MOGAT2: variants seen among roughly 807,000 people sequenced by gnomAD.
The protein encoded by MOGAT2 is monoacylglycerol O-acyltransferase 2, also known as 2-acylglycerol O-acyltransferase 2.
In MOGAT2, 27 loss-of-function variants were observed where a neutral mutation model predicts 31.5. That is an observed-to-expected ratio of 0.86 (90% confidence interval 0.63 to 1.18). The LOEUF is 1.18. Ranked by LOEUF, MOGAT2 falls within the 50% of genes most tolerant of loss-of-function variation. The probability of loss-of-function intolerance (pLI) is 0.00; values close to 1 mark genes in which losing one functional copy is unlikely to be tolerated. For synonymous variants in MOGAT2, 163 were observed against 170.0 expected (o/e 0.96, Z 0.32); for missense variants, 436 against 433.2 (o/e 1.01, Z -0.06).
At position 75,731,343 on chromosome 11, in the gene MOGAT2, A is replaced by C; in HGVS notation, c.*57A>C. On this transcript the variant is annotated 3_prime_UTR_variant, in exon 6 of 6. Coordinates refer to ENST00000198801, the MANE Select transcript of MOGAT2 (RefSeq NM_025098.4). Reference sequence around the variant, plus strand: ...CAGCAGGAGGTGCTGTGCTGAGAAGACTTCCTGGAGGTGTTTGTTGAACAT... The same window carrying C: ...CAGCAGGAGGTGCTGTGCTGAGAAGCCTTCCTGGAGGTGTTTGTTGAACAT... 1 of 1,582,696 alleles carries C rather than the reference A, an allele frequency of 6.3e-7. No individual in the cohort carries two copies. The highest frequency in any genetic ancestry group is 1.1e-5 in the South Asian group (1 of 87,934).
chr11:75,728,619 G>C, intron 4 of MOGAT2, 171 bp from the exon 5 acceptor site: 1 of 627,618 alleles, frequency 1.6e-6, no homozygotes, highest in Non-Finnish European at 2.8e-6. Context: ...CAAGGTCAGA[G>C]AATGGGGCTG....
At chr11:75,729,128 A>G in intron 5 of MOGAT2, 139 bp downstream of exon 5, 2 of 768,852 alleles carry the variant, frequency 2.6e-6, no homozygotes, top group Non-Finnish European at 4.3e-6. Flanking sequence ...ATACACACAC[A>G]AGCAGATAGA....
At chr11:75,718,112 C>T (rs622403) in intron 1 of MOGAT2, 133 bp downstream of exon 1, 93,539 of 934,078 alleles carry the variant, frequency 0.1, 5,261 homozygotes, top group Middle Eastern at 0.12. Context: ...GCTCAGAGCC[C>T]CTGCCCAGAG....
At chr11:75,727,016 C>T (rs555119751) in intron 2 of MOGAT2, among the ~76,000 whole-genome samples, 539 of 152,232 alleles carry the variant, frequency 3.5e-3, no homozygotes, top group African/African-American at 0.012. Context: ...TAAAATGGGG[C>T]TGTTTCAGCA....
At chr11:75,719,656 C>T in intron 1 of MOGAT2, 1 of 270,412 alleles carries the variant, frequency 3.7e-6, no homozygotes, top group Non-Finnish European at 7.1e-6. Context: ...ATTGATTGAG[C>T]ACTTAATGAG....
intron 4 of MOGAT2, chr11:75,728,436 C>G: frequency 1.8e-6 from 1 of 567,032 alleles, no homozygotes; most frequent in Non-Finnish European, 3.2e-6. Flanking sequence ...CATTTCAGAG[C>G]TGTTCTCCCT....
In MOGAT2 at chr11:75,728,626, G is replaced by T. The variant is rs188724425; in HGVS notation, c.651-164G>T. 3.4e-3 allele frequency: 2,135 copies of T among 634,912 alleles called. 11 individuals are homozygous for T. The highest frequency in any genetic ancestry group is 4.5e-3 in the Non-Finnish European group (1,641 of 360,732). 39.3% of individuals were successfully genotyped at this position (634,912 alleles called of 1,614,324 possible). On this transcript the variant is annotated intron_variant, in intron 4 of 5. Transcript: ENST00000198801. ...GACCTGCCCAAGGTCAGAGAATGGGGCTGTGAAGGTCTGGGAGATAACCCA... is the reference window on the plus strand; with the variant it reads ...GACCTGCCCAAGGTCAGAGAATGGGTCTGTGAAGGTCTGGGAGATAACCCA...
intron 2 of MOGAT2, among the ~76,000 whole-genome samples, chr11:75,726,965 C>T (rs1485497198): frequency 2.0e-5 from 3 of 152,166 alleles, no homozygotes; most frequent in South Asian, 2.1e-4. Flanking sequence ...GCTGGGATTA[C>T]AGGCGTGAGC....
At chr11:75,727,938 C>T in intron 3 of MOGAT2, 32 bp from the exon 4 acceptor site, 2 of 1,574,744 alleles carry the variant, frequency 1.3e-6, no homozygotes, top group Non-Finnish European at 1.7e-6. Context: ...GCTCCCTCAC[C>T]CCATACCTGA....
chr11:75,730,879 C>T (rs1192690577), intron 5 of MOGAT2: 1 of 265,714 alleles, frequency 3.8e-6, no homozygotes, highest in African/African-American at 2.4e-5. Flanking sequence ...TGCGCCACTG[C>T]ACTCCAGCCT....
chr11:75,723,257 A>C (rs1226532052), intron 2 of MOGAT2, among the ~76,000 whole-genome samples: 1 of 125,564 alleles, frequency 8.0e-6, no homozygotes, highest in Admixed American at 7.9e-5. Context: ...GGCTCTGTGC[A>C]CTGTTTTGTT....
In MOGAT2 at chr11:75,728,019, G is replaced by C. The variant is rs763212510; in HGVS notation, c.525G>C (p.Lys175Asn). Reference protein sequence around the residue: ...KESAAHILNRKGGGNLLGIIV... With the variant: ...KESAAHILNRNGGGNLLGIIV... ...GTGCTGCTCACATTCTGAACAGGAA[G>C]GGTGGCGGAAACTTGCTGGGCATCA... The change falls in exon 4 of 6, where the codon AAG becomes AAC. Residue 175 changes from lysine (K) to asparagine (N), a missense_variant. Transcript: ENST00000198801. 6.2e-7 allele frequency: 1 copy of C among 1,613,918 alleles called. No homozygotes were observed. The highest frequency in any genetic ancestry group is 8.5e-7 in the Non-Finnish European group (1 of 1,179,874).
At chr11:75,730,905 ACT>A (rs1462438732) in intron 5 of MOGAT2, 70 of 351,330 alleles carry the variant, frequency 2.0e-4, no homozygotes, top group African/African-American at 1.7e-3. Context: ...ACAGAGCGAG[ACT>A]CTACCTCAAA....
chr11:75,720,080 C>A lies in MOGAT2; in HGVS notation c.180C>A (p.Asp60Glu), dbSNP rs756093429. 3.1e-6 allele frequency: 5 copies of A among 1,614,196 alleles called. No individual in the cohort carries two copies. The highest frequency in any genetic ancestry group is 1.1e-5 in the South Asian group (1 of 91,070). ...TVLYAAWWYL[D>E]RDKPRQGGRH... ...TGTATGCGGCCTGGTGGTATCTGGA[C>A]CGAGACAAGCCACGGCAGGGGGGCC... is the stretch of plus-strand genomic sequence containing the variant. The change falls in exon 2 of 6, where the codon GAC becomes GAA. Residue 60 changes from aspartate (D) to glutamate (E), a missense_variant. Transcript: ENST00000198801.
rs199716090 is a variant in MOGAT2, at chr11:75,728,094, G to T, written c.600G>T (p.Thr200=). 2.5e-6 allele frequency: 4 copies of T among 1,614,022 alleles called. No homozygotes were observed. Among genetic ancestry groups the T allele is most frequent in the South Asian group, 1.1e-5 (1 of 91,082 alleles). Residue 200 remains threonine, a synonymous_variant, in exon 4 of 6, where the codon ACG becomes ACT. Coordinates refer to ENST00000198801, the MANE Select transcript of MOGAT2 (RefSeq NM_025098.4). ...EALDARPGSF[T]LLLRNRKGFV... ...TGGATGCCAGGCCTGGATCCTTCACGCTGTTACTGCGGAACCGAAAGGGCT... is the reference window on the plus strand; with the variant it reads ...TGGATGCCAGGCCTGGATCCTTCACTCTGTTACTGCGGAACCGAAAGGGCT...
chr11:75,724,511 T>C (rs1052707136), intron 2 of MOGAT2, among the ~76,000 whole-genome samples: 1 of 152,070 alleles, frequency 6.6e-6, no homozygotes, highest in African/African-American at 2.4e-5. Flanking sequence ...TATGTGCACG[T>C]ATCCAAGTTC....
intron 5 of MOGAT2, 94 bp from the exon 6 acceptor site, chr11:75,731,038 A>G: frequency 1.9e-6 from 2 of 1,073,884 alleles, no homozygotes; most frequent in East Asian, 5.0e-5. Context: ...ATGGAGTAAG[A>G]GCACTTTTCT....
chr11:75,726,794 G>C (rs1238935016), intron 2 of MOGAT2, among the ~76,000 whole-genome samples: 2 of 151,262 alleles, frequency 1.3e-5, no homozygotes, highest in Non-Finnish European at 2.9e-5. Context: ...TGCCTCCTGG[G>C]TTCAAGCAAT....
intron 2 of MOGAT2, among the ~76,000 whole-genome samples, chr11:75,724,692 G>C (rs1291626888): frequency 6.6e-6 from 1 of 152,008 alleles, no homozygotes; most frequent in Admixed American, 6.5e-5. Flanking sequence ...AGACCAAAGG[G>C]TAGGTGTGAA....
Sources: gnomAD v4.1 joint callset for allele counts (sites outside exome capture counted in the v4.1 genomes callset) on GRCh38, gnomAD v4.1.1 for gene constraint, MANE v1.5 for transcripts, NCBI Gene and HGNC (gene_info 2026-07-23, HGNC 2026-07-21) for gene names.